Variants in KCNJ3 observed in about 807,000 individuals in gnomAD.
KCNJ3 encodes G protein-activated inward rectifier potassium channel 1.
KCNJ3 carries 4 observed loss-of-function variants against 39.2 expected under a neutral mutation model. That is an observed-to-expected ratio of 0.10 (90% confidence interval 0.05 to 0.23). The LOEUF (loss-of-function observed/expected upper bound fraction) is 0.23, where lower values mean the gene tolerates loss of function less well. KCNJ3 is among the 10% of genes least tolerant of loss of function. The pLI is 1.00. For missense variants in KCNJ3, 276 were observed against 634.9 expected (o/e 0.43, Z 6.08); for synonymous variants, 230 against 237.4 (o/e 0.97, Z 0.29).
chr2:154,800,190 T>G (rs1346946147), intron 2 of KCNJ3, among the ~76,000 whole-genome samples: 1 of 152,186 alleles, frequency 6.6e-6, no homozygotes, highest in Non-Finnish European at 1.5e-5. Flanking sequence ...GATTTATAGG[T>G]TTGTGACCTC....
intron 2 of KCNJ3, among the ~76,000 whole-genome samples, chr2:154,852,999 A>G (rs1020660631): frequency 3.9e-5 from 6 of 152,218 alleles, no homozygotes; most frequent in African/African-American, 1.4e-4. Flanking sequence ...GCATAGAAAT[A>G]GGATGATACT....
At chr2:154,774,600 T>C in intron 2 of KCNJ3, among the ~76,000 whole-genome samples, 1 of 152,104 alleles carries the variant, frequency 6.6e-6, no homozygotes, top group East Asian at 1.9e-4. Flanking sequence ...TTTAAAGACC[T>C]TCTGCAATAC....
At position 154,816,855 on chromosome 2, in the gene KCNJ3, G is replaced by A. The variant is rs143404537; in HGVS notation, c.920-37872G>A. Among the ~76,000 whole-genome samples the A allele has an allele frequency of 1.8e-3, 268 of 152,240 alleles. 8 individuals carry two copies. In the East Asian group the frequency reaches 0.048, roughly 27 times the overall value. On this transcript the variant is annotated intron_variant, in intron 2 of 2. Transcript: ENST00000295101. ...AAAGTGTATGGATGTAAAGTGTATG[G>A]ATGTAAAGTGTAGCCCTTCTATCCT...
intron 2 of KCNJ3, among the ~76,000 whole-genome samples, chr2:154,797,168 G>A (rs955025087): frequency 6.6e-6 from 1 of 152,144 alleles, no homozygotes; most frequent in Non-Finnish European, 1.5e-5. Context: ...GGCAAATGTG[G>A]GCAGCTGTCA....
intron 2 of KCNJ3, among the ~76,000 whole-genome samples, chr2:154,745,653 A>G (rs1685727920): frequency 6.6e-6 from 1 of 151,998 alleles, no homozygotes; most frequent in Admixed American, 6.6e-5. Flanking sequence ...TTTTTTCCAG[A>G]GAAGTCTCAC....
chr2:154,704,598 C>T (rs920686884), intron 1 of KCNJ3, among the ~76,000 whole-genome samples: 11 of 152,094 alleles, frequency 7.2e-5, no homozygotes, highest in African/African-American at 2.7e-4. Context: ...TCTGAGTATT[C>T]ATGGAGTTTC....
At chr2:154,774,389 C>G (rs55916459) in intron 2 of KCNJ3, among the ~76,000 whole-genome samples, 1 of 50,754 alleles carries the variant, frequency 2.0e-5, no homozygotes, top group Non-Finnish European at 4.6e-5. Context: ...TGCATTGCTT[C>G]AAGTGTTTTA....
intron 2 of KCNJ3, among the ~76,000 whole-genome samples, chr2:154,833,147 T>A (rs1296602814): frequency 6.6e-6 from 1 of 152,244 alleles, no homozygotes; most frequent in African/African-American, 2.4e-5. Flanking sequence ...CAATCATTTT[T>A]ATTTCATTAT....
chr2:154,744,166 C>A (rs555709477), intron 2 of KCNJ3, among the ~76,000 whole-genome samples: 1 of 151,660 alleles, frequency 6.6e-6, no homozygotes, highest in Admixed American at 6.6e-5. Context: ...ATTGAACCAG[C>A]TTTGCAAACC....
intron 2 of KCNJ3, among the ~76,000 whole-genome samples, chr2:154,716,264 C>T (rs1444428843): frequency 7.0e-6 from 1 of 143,118 alleles, no homozygotes; most frequent in Non-Finnish European, 1.5e-5. Flanking sequence ...TGCCTGCCAC[C>T]ACGGCCGGCT....
In KCNJ3 at chr2:154,699,291, G is replaced by C; in HGVS notation, c.516G>C (p.Val172=). The change falls in exon 1 of 3, where the codon GTG becomes GTC. Residue 172 remains valine (V), a synonymous_variant. Transcript: ENST00000295101. This position sits in a 1 kb window ranked among gnomAD's most constrained non-coding sequence, Gnocchi z 6.4. Reference sequence around the variant, plus strand: ...TCCAGTCCATCCTGGGCTCCATCGTGGACGCCTTCCTCATCGGCTGCATGT... The same window carrying C: ...TCCAGTCCATCCTGGGCTCCATCGTCGACGCCTTCCTCATCGGCTGCATGT... ...FLFQSILGSI[V]DAFLIGCMFI... is the part of the protein sequence containing the mutation. 2 of 1,613,968 alleles carry C rather than the reference G, an allele frequency of 1.2e-6. No homozygotes were observed. Among genetic ancestry groups the C allele is most frequent in the Non-Finnish European group, 1.7e-6 (2 of 1,180,034 alleles).
intron 2 of KCNJ3, among the ~76,000 whole-genome samples, chr2:154,777,977 A>G (rs991319995): frequency 4.6e-5 from 7 of 152,194 alleles, no homozygotes; most frequent in Non-Finnish European, 1.0e-4. Context: ...GTTTCCTGCT[A>G]TGCCAGAGTA....
chr2:154,728,177 A>G (rs1685391596), intron 2 of KCNJ3, among the ~76,000 whole-genome samples: 1 of 152,074 alleles, frequency 6.6e-6, no homozygotes, highest in African/African-American at 2.4e-5. Flanking sequence ...ATGTATTAGT[A>G]TAGATACATA....
chr2:154,851,201 C>A (rs1687750928), intron 2 of KCNJ3, among the ~76,000 whole-genome samples: 1 of 151,910 alleles, frequency 6.6e-6, no homozygotes, highest in Non-Finnish European at 1.5e-5. Flanking sequence ...ATGATCCCAC[C>A]ACTGCACTCC....
chr2:154,724,917 GTATA>G lies in KCNJ3; in HGVS notation c.919+15115_919+15118del, dbSNP rs59124944. On this transcript the variant is annotated intron_variant, in intron 2 of 2. Transcript: ENST00000295101. Reference sequence around the variant, plus strand: ...TGTATATATACAAGATACATATGAGGTATATATATATATATATATACCTTTGATG... The same window carrying G: ...TGTATATATACAAGATACATATGAGGTATATATATATATATACCTTTGATG... 8.6e-5 allele frequency among the ~76,000 whole-genome samples: 10 copies of G among 116,284 alleles called. 1 individual carries two copies. The highest frequency in any genetic ancestry group is 1.4e-4 in the Non-Finnish European group (8 of 57,692). The allele number at this position is 116,284 out of a possible 152,430, so 76.3% of individuals were successfully genotyped here. A position where few individuals can be genotyped will look rare whatever the true frequency, so the allele number is the denominator to read the frequency against.
intron 2 of KCNJ3, among the ~76,000 whole-genome samples, chr2:154,851,600 C>A (rs548311852): frequency 1.3e-5 from 2 of 152,284 alleles, no homozygotes; most frequent in South Asian, 4.2e-4. Context: ...CAGCCAGATT[C>A]ATAAACTTTT....
At chr2:154,843,284 C>T (rs953279778) in intron 2 of KCNJ3, among the ~76,000 whole-genome samples, 27 of 152,060 alleles carry the variant, frequency 1.8e-4, no homozygotes, top group African/African-American at 6.3e-4. Context: ...TTCTGGCTTG[C>T]TTGGTTTTTG....
At chr2:154,746,815 C>G (rs1205556073) in intron 2 of KCNJ3, among the ~76,000 whole-genome samples, 3 of 151,734 alleles carry the variant, frequency 2.0e-5, no homozygotes, top group Non-Finnish European at 2.9e-5. Flanking sequence ...GGTTTTCTTT[C>G]TATAACTTCC....
chr2:154,817,643 T>C (rs1243354443), intron 2 of KCNJ3, among the ~76,000 whole-genome samples: 1 of 152,166 alleles, frequency 6.6e-6, no homozygotes, highest in Non-Finnish European at 1.5e-5. Flanking sequence ...TGTTCTTTAA[T>C]GCCATTTTTG....
Sources: allele counts gnomAD v4.1 joint callset (sites outside exome capture counted in the v4.1 genomes callset), GRCh38; gene constraint gnomAD v4.1.1; non-coding constraint Gnocchi (gnomAD v3.1); transcripts MANE v1.5; gene names NCBI Gene and HGNC (gene_info 2026-07-23, HGNC 2026-07-21).